Variants in UNC5D observed in about 807,000 individuals in gnomAD.
The protein encoded by UNC5D is unc-5 netrin receptor D.
In UNC5D, 39 loss-of-function variants were observed where a neutral mutation model predicts 105.4. The observed-to-expected ratio is 0.37, with a 90% CI of 0.29 to 0.48. The LOEUF is 0.48. UNC5D is among the 20% of genes least tolerant of loss of function. The pLI, the probability that UNC5D is intolerant of heterozygous loss-of-function variation, is 0.98. For missense variants in UNC5D, 991 were observed against 1,202.4 expected, an observed-to-expected ratio of 0.82 and a Z score of 2.60; for synonymous variants, 452 against 450.4, an observed-to-expected ratio of 1.00 and a Z score of -0.04.
At chr8:35,556,990 C>T (rs1165049344) in intron 2 of UNC5D, among the ~76,000 whole-genome samples, 1 of 152,174 alleles carries the variant, frequency 6.6e-6, no homozygotes. Flanking sequence ...CCATAAGCTA[C>T]TAGCAGGAGA....
chr8:35,545,458 G>A (rs1815587852), intron 1 of UNC5D, among the ~76,000 whole-genome samples: 1 of 152,080 alleles, frequency 6.6e-6, no homozygotes, highest in African/African-American at 2.4e-5. Context: ...GTGGGATGAG[G>A]AAGGGGTGTC....
chr8:35,336,005 C>G lies in UNC5D; in HGVS notation c.103+100118C>G, dbSNP rs887037839. 2.6e-5 allele frequency among the ~76,000 whole-genome samples: 4 copies of G among 151,976 alleles called. No homozygotes were observed. The South Asian group carries it at 6.2e-4, about 24-fold the overall frequency. On this transcript the variant is annotated intron_variant, in intron 1 of 16. Transcript: ENST00000404895. ...GTGTCGATCTCCTGACCTCGTGATCCGCCTGCATTAGCCTCCCAAAGTGTT... is the reference window on the plus strand; with the variant it reads ...GTGTCGATCTCCTGACCTCGTGATCGGCCTGCATTAGCCTCCCAAAGTGTT...
intron 4 of UNC5D, among the ~76,000 whole-genome samples, chr8:35,630,549 C>T (rs2131075424): frequency 6.6e-6 from 1 of 152,274 alleles, no homozygotes; most frequent in South Asian, 2.1e-4. Context: ...AATATTGTGA[C>T]AGTGAAGTGT....
At chr8:35,260,633 G>A (rs1345266273) in intron 1 of UNC5D, among the ~76,000 whole-genome samples, 1 of 152,024 alleles carries the variant, frequency 6.6e-6, no homozygotes, top group African/African-American at 2.4e-5. Flanking sequence ...CGAGCTAATT[G>A]TTTGTATTTT....
chr8:35,243,621 T>C (rs1362664647), intron 1 of UNC5D, among the ~76,000 whole-genome samples: 2 of 152,148 alleles, frequency 1.3e-5, no homozygotes. Flanking sequence ...AATGAGGGGA[T>C]GAGGCTATAG....
intron 1 of UNC5D, among the ~76,000 whole-genome samples, chr8:35,517,977 T>G (rs1159731312): frequency 1.3e-5 from 2 of 152,162 alleles, no homozygotes; most frequent in Non-Finnish European, 2.9e-5. Flanking sequence ...GGCAGAGCAC[T>G]TCCCGGAGGC....
chr8:35,310,930 T>G (rs765858431), intron 1 of UNC5D, among the ~76,000 whole-genome samples: 8 of 152,146 alleles, frequency 5.3e-5, no homozygotes, highest in Non-Finnish European at 1.0e-4. Flanking sequence ...AAGTAAGACA[T>G]AGTTAGCTTT....
At chr8:35,458,615 T>G (rs1459033579) in intron 1 of UNC5D, among the ~76,000 whole-genome samples, 3 of 152,140 alleles carry the variant, frequency 2.0e-5, no homozygotes, top group African/African-American at 7.2e-5. Flanking sequence ...AAAAGAGGTG[T>G]GCCGAGAGCA....
intron 1 of UNC5D, among the ~76,000 whole-genome samples, chr8:35,333,743 G>A (rs1810813102): frequency 6.6e-6 from 1 of 152,166 alleles, no homozygotes; most frequent in Non-Finnish European, 1.5e-5. Context: ...GCCTCCCAAA[G>A]TGCTGGGATT....
chr8:35,440,710 C>T (rs1287694508), intron 1 of UNC5D, among the ~76,000 whole-genome samples: 3 of 152,048 alleles, frequency 2.0e-5, no homozygotes, highest in East Asian at 1.9e-4. Flanking sequence ...CATATGGAAG[C>T]GCTGTGCAAA....
At chr8:35,527,956 T>G (rs1814003598) in intron 1 of UNC5D, among the ~76,000 whole-genome samples, 1 of 151,960 alleles carries the variant, frequency 6.6e-6, no homozygotes, top group African/African-American at 2.4e-5. Context: ...AACATTTTAA[T>G]TTGGCAGTGG....
chr8:35,743,115 A>G (rs985073848), intron 11 of UNC5D, among the ~76,000 whole-genome samples: 2 of 152,210 alleles, frequency 1.3e-5, no homozygotes, highest in Admixed American at 6.5e-5. Flanking sequence ...TCATCAAGAC[A>G]GAAAGTCAGC....
intron 4 of UNC5D, among the ~76,000 whole-genome samples, chr8:35,640,227 A>G (rs2131125188): frequency 6.6e-6 from 1 of 152,226 alleles, no homozygotes; most frequent in South Asian, 2.1e-4. Flanking sequence ...AACCCAAGCT[A>G]GGCCAAATAT....
chr8:35,241,192 C>T (rs745675042), intron 1 of UNC5D, among the ~76,000 whole-genome samples: 48 of 152,196 alleles, frequency 3.2e-4, no homozygotes, highest in Non-Finnish European at 5.1e-4. Flanking sequence ...AATAGATATT[C>T]GTTCTATTTT....
intron 1 of UNC5D, among the ~76,000 whole-genome samples, chr8:35,365,172 C>G (rs926286648): frequency 1.3e-5 from 2 of 152,128 alleles, no homozygotes; most frequent in Admixed American, 6.6e-5. Context: ...GCCTCAATCC[C>G]GATTGCTCAT....
chr8:35,550,476 C>T lies in UNC5D; in HGVS notation c.322+966C>T, dbSNP rs114672401. 8.3e-3 allele frequency among the ~76,000 whole-genome samples: 1,265 copies of T among 152,076 alleles called. 23 individuals carry two copies. The highest frequency in any genetic ancestry group is 0.029 in the African/African-American group (1,207 of 41,472). ...TGACTTGGTCAACTCACTAGATATC[C>T]GATTTTTGAATAAGTCAAAAAACAT... On this transcript the variant is annotated intron_variant, in intron 2 of 16. Coordinates refer to ENST00000404895, the MANE Select transcript of UNC5D (RefSeq NM_080872.4).
chr8:35,792,904 AGATT>A lies in UNC5D; in HGVS notation c.*2342_*2345del. On this transcript the variant is annotated 3_prime_UTR_variant, in exon 17 of 17. Transcript: ENST00000404895. The stretch of plus-strand genomic sequence containing the variant: ...AAATGATTTTCCCTCAAATCTATCT[AGATT>A]ATTTTAAGATGAGACAAGATTATTG... The A allele has an allele frequency of 2.4e-6, 1 of 409,310 alleles. No homozygotes were observed. The highest frequency in any genetic ancestry group is 4.7e-6 in the Non-Finnish European group (1 of 212,122). 25.4% of individuals were successfully genotyped at this position (409,310 alleles called of 1,614,324 possible). A position where few individuals can be genotyped will look rare whatever the true frequency, so the allele number is the denominator to read the frequency against.
intron 1 of UNC5D, among the ~76,000 whole-genome samples, chr8:35,343,126 C>T (rs938878997): frequency 1.3e-5 from 2 of 152,082 alleles, no homozygotes; most frequent in Non-Finnish European, 2.9e-5. Flanking sequence ...CACTGCTGGT[C>T]TGGGGACTTT....
At chr8:35,750,498 GTTTA>G (rs1482226744) in intron 12 of UNC5D, 80 bp from the exon 13 acceptor site, 1 of 1,384,544 alleles carries the variant, frequency 7.2e-7, no homozygotes, top group South Asian at 1.2e-5. Flanking sequence ...ATATTTGTGT[GTTTA>G]TTTATTTGTG....
Sources: allele counts gnomAD v4.1 joint callset (sites outside exome capture counted in the v4.1 genomes callset), GRCh38; gene constraint gnomAD v4.1.1; transcripts MANE v1.5; gene names NCBI Gene and HGNC (gene_info 2026-07-23, HGNC 2026-07-21).